The following XRCC4 variants were observed in gnomAD, a reference collection of about 807,000 sequenced individuals.
XRCC4 encodes the protein DNA repair protein XRCC4.
Under a neutral mutation model 39.1 loss-of-function variants are expected in XRCC4, and 28 were observed. The ratio of observed to expected loss-of-function variants is 0.72; its 90% CI spans 0.53 to 0.98. The LOEUF is 0.98. Among genes scored for constraint, XRCC4 ranks in the 50% least tolerant of loss-of-function variants. XRCC4 has a pLI of 0.00. For synonymous variants in XRCC4, 123 were observed against 126.4 expected, an observed-to-expected ratio of 0.97 and a Z score of 0.18; for missense variants, 350 against 376.4, an observed-to-expected ratio of 0.93 and a Z score of 0.58.
chr5:83,268,132 C>G (rs1003727405), intron 7 of XRCC4, among the ~76,000 whole-genome samples: 2 of 152,204 alleles, frequency 1.3e-5, no homozygotes, highest in South Asian at 4.2e-4. Context: ...GAAGAGTTAC[C>G]TGAAGAATAG....
intron 3 of XRCC4, among the ~76,000 whole-genome samples, chr5:83,119,988 C>A (rs1395528210): frequency 2.2e-5 from 3 of 137,130 alleles, no homozygotes; most frequent in South Asian, 2.4e-4. Flanking sequence ...CAGAGTGAGA[C>A]CTTGTCTCAC....
chr5:83,157,614 G>A (rs907458954), intron 3 of XRCC4, among the ~76,000 whole-genome samples: 1 of 151,960 alleles, frequency 6.6e-6, no homozygotes, highest in Non-Finnish European at 1.5e-5. Context: ...GTAAAGCAAA[G>A]ATAGAATATA....
intron 3 of XRCC4, among the ~76,000 whole-genome samples, chr5:83,114,052 G>A (rs1746586039): frequency 6.6e-6 from 1 of 152,196 alleles, no homozygotes; most frequent in African/African-American, 2.4e-5. Context: ...ACCCTCTGAA[G>A]CAAGGCCCGA....
chr5:83,099,554 A>G (rs1745828285), intron 1 of XRCC4, among the ~76,000 whole-genome samples: 1 of 152,208 alleles, frequency 6.6e-6, no homozygotes, highest in East Asian at 1.9e-4. Flanking sequence ...ATACCAGCCA[A>G]CAACTTATTT....
chr5:83,270,793 A>ATTT (rs5869174), intron 7 of XRCC4, among the ~76,000 whole-genome samples: 5 of 144,210 alleles, frequency 3.5e-5, no homozygotes, highest in African/African-American at 1.0e-4. Flanking sequence ...ATATGTATAT[A>ATTT]TTTTTTTTTT....
intron 3 of XRCC4, among the ~76,000 whole-genome samples, chr5:83,126,492 A>G (rs1747271856): frequency 6.6e-6 from 1 of 152,124 alleles, no homozygotes; most frequent in Non-Finnish European, 1.5e-5. Flanking sequence ...AAATAGATGC[A>G]GTTTAAAGGC....
At chr5:83,092,975 G>A (rs1471233104) in intron 1 of XRCC4, among the ~76,000 whole-genome samples, 1 of 151,158 alleles carries the variant, frequency 6.6e-6, no homozygotes. Context: ...AGTGTAAACG[G>A]ATTATATTCT....
intron 7 of XRCC4, among the ~76,000 whole-genome samples, chr5:83,333,862 C>T (rs950052350): frequency 2.0e-5 from 3 of 151,872 alleles, no homozygotes; most frequent in Non-Finnish European, 4.4e-5. Context: ...CTCCACCTCC[C>T]AGGTTCAAGC....
chr5:83,090,606 G>T (rs1164754446), intron 1 of XRCC4, among the ~76,000 whole-genome samples: 1 of 152,130 alleles, frequency 6.6e-6, no homozygotes, highest in Non-Finnish European at 1.5e-5. Context: ...AGGAATGGAG[G>T]GTAGGGAGGA....
At chr5:83,090,572 A>G (rs1382866066) in intron 1 of XRCC4, among the ~76,000 whole-genome samples, 2 of 152,144 alleles carry the variant, frequency 1.3e-5, no homozygotes, top group Non-Finnish European at 2.9e-5. Context: ...TATAGAGCTC[A>G]ATCTCCTGGT....
chr5:83,131,255 C>A (rs955661516), intron 3 of XRCC4, among the ~76,000 whole-genome samples: 2 of 152,150 alleles, frequency 1.3e-5, no homozygotes, highest in Non-Finnish European at 1.5e-5. Context: ...GCAGGTTGTT[C>A]AGTTTCCATG....
chr5:83,348,146 C>T (rs1006920886), intron 7 of XRCC4, among the ~76,000 whole-genome samples: 17 of 152,192 alleles, frequency 1.1e-4, no homozygotes, highest in Non-Finnish European at 2.4e-4. Flanking sequence ...TGCAGCTTTT[C>T]CAGATGCATG....
At chr5:83,230,862 G>A (rs964345041) in intron 6 of XRCC4, among the ~76,000 whole-genome samples, 1 of 151,776 alleles carries the variant, frequency 6.6e-6, no homozygotes, top group Non-Finnish European at 1.5e-5. Flanking sequence ...GACATCTCTT[G>A]AACTACTAGT....
intron 1 of XRCC4, among the ~76,000 whole-genome samples, chr5:83,085,318 G>A (rs1745130859): frequency 6.6e-6 from 1 of 152,074 alleles, no homozygotes; most frequent in Admixed American, 6.6e-5. Flanking sequence ...CATAGAATTT[G>A]GAAGTTGCCA....
At chr5:83,334,555 A>T (rs1580524264) in intron 7 of XRCC4, among the ~76,000 whole-genome samples, 2 of 152,150 alleles carry the variant, frequency 1.3e-5, no homozygotes, top group South Asian at 4.2e-4. Flanking sequence ...ACCTGTAATT[A>T]TTGACAAAGG....
chr5:83,141,461 A>G (rs781556377), intron 3 of XRCC4, among the ~76,000 whole-genome samples: 30 of 152,278 alleles, frequency 2.0e-4, no homozygotes, highest in Non-Finnish European at 2.9e-4. Context: ...ACCCTCACCA[A>G]CAGAACCCCA....
intron 7 of XRCC4, among the ~76,000 whole-genome samples, chr5:83,324,007 G>T (rs960982309): frequency 9.2e-5 from 14 of 151,952 alleles, no homozygotes; most frequent in Admixed American, 8.5e-4. Context: ...TGCATAATTT[G>T]CCACAGTTTT....
chr5:83,109,877 A>G (rs918642236), intron 2 of XRCC4, among the ~76,000 whole-genome samples: 5 of 151,956 alleles, frequency 3.3e-5, no homozygotes, highest in Non-Finnish European at 1.5e-5. Flanking sequence ...TAATAAAATA[A>G]TCTTTTAAAA....
At chr5:83,120,019 T>A (rs1215184435) in intron 3 of XRCC4, among the ~76,000 whole-genome samples, 213 of 130,890 alleles carry the variant, frequency 1.6e-3, no homozygotes, top group Middle Eastern at 0.012. Flanking sequence ...AAAAAAACAA[T>A]AACAGAAACA....
Sources: gnomAD v4.1 joint callset for allele counts (sites outside exome capture counted in the v4.1 genomes callset) on GRCh38, gnomAD v4.1.1 for gene constraint, MANE v1.5 for transcripts, NCBI Gene and HGNC (gene_info 2026-07-23, HGNC 2026-07-21) for gene names.